Variants in AP3B1 observed in about 807,000 individuals in gnomAD.
The protein encoded by AP3B1 is adaptor related protein complex 3 subunit beta 1.
Under a neutral mutation model 132.5 loss-of-function variants are expected in AP3B1, and 61 were observed. The observed-to-expected ratio is 0.46, with a 90% CI of 0.37 to 0.57. The LOEUF is 0.57. AP3B1 is among the 20% of genes least tolerant of loss of function. The probability of loss-of-function intolerance (pLI) is 0.00; values close to 1 mark genes in which losing one functional copy is unlikely to be tolerated. For synonymous variants in AP3B1, 388 were observed against 438.3 expected (o/e 0.89, Z 1.43); for missense variants, 1,120 against 1,289.4 (o/e 0.87, Z 2.01).
At chr5:78,058,558 A>G (rs1748912551) in intron 22 of AP3B1, among the ~76,000 whole-genome samples, 1 of 152,218 alleles carries the variant, frequency 6.6e-6, no homozygotes, top group Non-Finnish European at 1.5e-5. Context: ...AAATTTTTAA[A>G]TATAAGTGTT....
chr5:78,014,056 G>A (rs1032697480), intron 26 of AP3B1, among the ~76,000 whole-genome samples: 2 of 152,102 alleles, frequency 1.3e-5, no homozygotes, highest in Non-Finnish European at 2.9e-5. Context: ...CCAGCCACTC[G>A]GGAGGCTGAG....
intron 26 of AP3B1, among the ~76,000 whole-genome samples, chr5:78,007,505 G>A (rs1230733234): frequency 6.6e-6 from 1 of 151,870 alleles, no homozygotes; most frequent in African/African-American, 2.4e-5. Context: ...AATCCTATTA[G>A]TAAGAAAGAC....
chr5:78,042,585 C>A (rs1208386077), intron 22 of AP3B1: 3 of 191,754 alleles, frequency 1.6e-5, no homozygotes, highest in East Asian at 1.3e-4. Context: ...TGCAATTCTC[C>A]TTGTCTTCTG....
At chr5:78,258,145 CACAA>C (rs1234140025) in intron 2 of AP3B1, among the ~76,000 whole-genome samples, 1 of 152,198 alleles carries the variant, frequency 6.6e-6, no homozygotes, top group Non-Finnish European at 1.5e-5. Context: ...GCAACCAAAG[CACAA>C]ACAGACAAAT....
intron 17 of AP3B1, among the ~76,000 whole-genome samples, chr5:78,120,433 G>A (rs981045068): frequency 6.6e-6 from 1 of 152,218 alleles, no homozygotes; most frequent in African/African-American, 2.4e-5. Flanking sequence ...TCAGTGTGTT[G>A]TATTCAGGAA....
At chr5:78,287,216 A>G (rs1749320878) in intron 1 of AP3B1, among the ~76,000 whole-genome samples, 1 of 152,190 alleles carries the variant, frequency 6.6e-6, no homozygotes, top group Non-Finnish European at 1.5e-5. Flanking sequence ...TTTAATGGTA[A>G]GGCTTGAAAT....
intron 2 of AP3B1, among the ~76,000 whole-genome samples, chr5:78,261,020 A>G (rs1242062885): frequency 6.6e-6 from 1 of 152,248 alleles, no homozygotes; most frequent in African/African-American, 2.4e-5. Context: ...ACTGATGAGC[A>G]CATGGGTTGT....
At chr5:78,274,556 C>A (rs1748690164) in intron 1 of AP3B1, among the ~76,000 whole-genome samples, 1 of 151,848 alleles carries the variant, frequency 6.6e-6, no homozygotes, top group South Asian at 2.1e-4. Flanking sequence ...AAAAAAAGGA[C>A]AAACATAAAA....
chr5:78,089,437 C>T lies in AP3B1; in HGVS notation c.2533G>A (p.Asp845Asn). 2 of 1,613,448 alleles carry T rather than the reference C, an allele frequency of 1.2e-6. No individual in the cohort carries two copies. The highest frequency in any genetic ancestry group is 1.7e-6 in the Non-Finnish European group (2 of 1,179,492). ...GTTGACAAGTGTAAACCTTCAAGAT[C>T]AGCCATCAAACTTGGAGAAAGAGCT... ...TPALSPSLMA[D>N]LEGLHLSTSS... is the part of the protein sequence containing the mutation. Residue 845 changes from aspartate to asparagine, a missense_variant, in exon 22 of 27, where the codon GAT becomes AAT. This residue lies in a region of AP3B1 where 906 missense variants were observed against 997.1 expected (regional missense o/e 0.91). Transcript: ENST00000255194.
At chr5:78,041,580 AAAT>A (rs1247245515) in intron 22 of AP3B1, among the ~76,000 whole-genome samples, 1 of 151,660 alleles carries the variant, frequency 6.6e-6, no homozygotes, top group Non-Finnish European at 1.5e-5. Flanking sequence ...AATAATAATA[AAAT>A]AATAATCATA....
At chr5:78,146,743 T>C (rs111283198) in intron 14 of AP3B1, among the ~76,000 whole-genome samples, 6,239 of 152,246 alleles carry the variant, frequency 0.041, 193 homozygotes, top group East Asian at 0.14. Flanking sequence ...ATGTCCTACA[T>C]GTTTTGAAAT....
intron 22 of AP3B1, chr5:78,043,005 T>C (rs112214968): frequency 4.9e-4 from 84 of 170,126 alleles, no homozygotes; most frequent in Middle Eastern, 3.9e-3. Flanking sequence ...TCTTGTTTAG[T>C]TCTTCCCAAT....
rs565787817 is a variant in AP3B1 at position 78,248,170 on chromosome 5, A to C, written c.205-7234T>G. On this transcript the variant is annotated intron_variant, in intron 2 of 26. Transcript: ENST00000255194. Reference sequence around the variant, plus strand: ...ACAGCAAACCTTACACAGTCTACTTACAGTTAACACTGTACCAGATCAAGA... The same window carrying C: ...ACAGCAAACCTTACACAGTCTACTTCCAGTTAACACTGTACCAGATCAAGA... Among the ~76,000 whole-genome samples the C allele has an allele frequency of 1.0e-3, 158 of 152,292 alleles. 2 individuals are homozygous for C. Among genetic ancestry groups the C allele is most frequent in the African/African-American group, 3.6e-3 (150 of 41,570 alleles).
intron 13 of AP3B1, among the ~76,000 whole-genome samples, chr5:78,158,475 A>G (rs1401861662): frequency 6.8e-6 from 1 of 147,626 alleles, no homozygotes; most frequent in Non-Finnish European, 1.5e-5. Context: ...AAAACCTAGT[A>G]TGATTTAACT....
chr5:78,060,685 A>AT (rs984324113), intron 22 of AP3B1, among the ~76,000 whole-genome samples: 1 of 151,918 alleles, frequency 6.6e-6, no homozygotes, highest in Non-Finnish European at 1.5e-5. Context: ...ATCATGACTT[A>AT]TTTTTTTATT....
intron 22 of AP3B1, among the ~76,000 whole-genome samples, chr5:78,055,219 T>C (rs560082330): frequency 1.2e-3 from 179 of 152,310 alleles, no homozygotes; most frequent in African/African-American, 3.8e-3. Flanking sequence ...AGTCCTGGGA[T>C]TGAGCCTCAC....
chr5:78,099,793 G>A (rs749599978), intron 21 of AP3B1, among the ~76,000 whole-genome samples: 12 of 151,940 alleles, frequency 7.9e-5, no homozygotes, highest in Non-Finnish European at 1.6e-4. Context: ...GGAGGCTGAG[G>A]CAGGAGAACT....
intron 22 of AP3B1, among the ~76,000 whole-genome samples, chr5:78,053,684 A>AC (rs1259420012): frequency 7.0e-6 from 1 of 143,792 alleles, no homozygotes. Context: ...ATCTCAAAAA[A>AC]AAAAAAAAAA....
At chr5:78,179,464 T>C (rs1316444455) in intron 8 of AP3B1, among the ~76,000 whole-genome samples, 1 of 152,184 alleles carries the variant, frequency 6.6e-6, no homozygotes, top group African/African-American at 2.4e-5. Context: ...GTCGCTTTGA[T>C]ACCCAGATTT....
Sources: gnomAD v4.1 joint callset for allele counts (sites outside exome capture counted in the v4.1 genomes callset) on GRCh38, gnomAD v4.1.1 for gene constraint, gnomAD v4.1.1 regional missense constraint, MANE v1.5 for transcripts, NCBI Gene and HGNC (gene_info 2026-07-23, HGNC 2026-07-21) for gene names.